Variants in QNG1 observed in about 807,000 individuals in gnomAD.
QNG1 encodes queuosine 5'-phosphate N-glycosylase/hydrolase.
At chr9:83,948,362 G>T in the QNG1 span, among the ~76,000 whole-genome samples, 1 of 150,660 alleles carries the variant, frequency 6.6e-6, no homozygotes, top group Non-Finnish European at 1.5e-5. Flanking sequence ...CCCGGCAGCC[G>T]CCCCGTCCAG....
the QNG1 span, chr9:83,956,527 A>G: frequency 2.4e-5 from 37 of 1,512,008 alleles, no homozygotes; most frequent in Non-Finnish European, 3.2e-5. Flanking sequence ...CGGCGGGCCA[A>G]ACTCTTCCCG....
At chr9:83,955,755 C>G in the QNG1 span, 4 of 969,664 alleles carry the variant, frequency 4.1e-6, no homozygotes, top group Admixed American at 2.3e-5. Flanking sequence ...AGGAATGCAC[C>G]AAAAGTGGAA....
the QNG1 span, chr9:83,945,087 A>C: frequency 1.0e-6 from 1 of 958,714 alleles, no homozygotes; most frequent in Non-Finnish European, 1.5e-6. Flanking sequence ...TAAAAGGCAG[A>C]ATAATCTTAC....
chr9:83,944,898 T>A, the QNG1 span: 7 of 1,613,382 alleles, frequency 4.3e-6, no homozygotes, highest in Non-Finnish European at 5.9e-6. Flanking sequence ...ACTGGAGATG[T>A]CCTTGAAGCA....
the QNG1 span, among the ~76,000 whole-genome samples, chr9:83,945,173 G>T: frequency 1.3e-5 from 2 of 151,932 alleles, no homozygotes; most frequent in Non-Finnish European, 2.9e-5. Context: ...GGAGGCTGAG[G>T]TGGGCAGATT....
chr9:83,945,746 C>T, the QNG1 span, among the ~76,000 whole-genome samples: 13 of 151,848 alleles, frequency 8.6e-5, no homozygotes, highest in South Asian at 2.3e-3. Context: ...GGACTACGGG[C>T]GCCGTCACCA....
chr9:83,952,959 CAAA>C, the QNG1 span, among the ~76,000 whole-genome samples: 4 of 80,668 alleles, frequency 5.0e-5, no homozygotes, highest in Admixed American at 1.4e-4. Context: ...GACTCTGTCT[CAAA>C]AAAAAAAAAA....
the QNG1 span, among the ~76,000 whole-genome samples, chr9:83,947,332 T>C: frequency 6.6e-6 from 1 of 152,182 alleles, no homozygotes; most frequent in Non-Finnish European, 1.5e-5. Flanking sequence ...AAAAATTCCT[T>C]AAGATGACAC....
At chr9:83,953,234 T>C in the QNG1 span, among the ~76,000 whole-genome samples, 12 of 152,168 alleles carry the variant, frequency 7.9e-5, no homozygotes, top group Non-Finnish European at 1.2e-4. Flanking sequence ...TGCCACTTTC[T>C]GGTACATTTT....
the QNG1 span, among the ~76,000 whole-genome samples, chr9:83,948,629 G>A: frequency 1.4e-3 from 205 of 146,908 alleles, no homozygotes; most frequent in African/African-American, 4.7e-3. Context: ...CCATGATGAC[G>A]ATGGCGGTTT....
At chr9:83,956,302 AGTTGACCGCGG>A in the QNG1 span, 1 of 1,614,130 alleles carries the variant, frequency 6.2e-7, no homozygotes, top group Non-Finnish European at 8.5e-7. Flanking sequence ...ACGAACACCC[AGTTGACCGCGG>A]CCTCGTCGGC....
the QNG1 span, chr9:83,953,660 T>G: frequency 1.5e-6 from 1 of 667,764 alleles, no homozygotes. Flanking sequence ...TCTTTTATTT[T>G]TTCTTTTATT....
the QNG1 span, chr9:83,944,913 T>C: frequency 9.9e-6 from 16 of 1,614,082 alleles, no homozygotes; most frequent in Non-Finnish European, 1.4e-5. Context: ...GAAGCAGCCA[T>C]CTCCTTTTCC....
the QNG1 span, chr9:83,945,093 C>G: frequency 2.1e-6 from 2 of 930,866 alleles, no homozygotes; most frequent in Non-Finnish European, 3.1e-6. Context: ...GCAGAATAAT[C>G]TTACTTTGTT....
At chr9:83,956,531 C>G in the QNG1 span, 1 of 1,507,416 alleles carries the variant, frequency 6.6e-7, no homozygotes, top group Admixed American at 2.3e-5. Flanking sequence ...GGGCCAAACT[C>G]TTCCCGCCCT....
the QNG1 span, among the ~76,000 whole-genome samples, chr9:83,948,349 C>G: frequency 8.0e-6 from 1 of 125,394 alleles, no homozygotes; most frequent in African/African-American, 2.6e-5. Flanking sequence ...AGGAGGGTCT[C>G]CGCCCGGCAG....
At chr9:83,950,426 C>T in the QNG1 span, among the ~76,000 whole-genome samples, 3 of 152,046 alleles carry the variant, frequency 2.0e-5, no homozygotes, top group African/African-American at 7.2e-5. Flanking sequence ...TTCTGGATCT[C>T]TAAAATATTA....
the QNG1 span, chr9:83,944,783 A>G: frequency 1.4e-5 from 22 of 1,599,770 alleles, no homozygotes; most frequent in Non-Finnish European, 1.8e-5. Context: ...GAATGACTTA[A>G]AGTTGCAAAC....
the QNG1 span, among the ~76,000 whole-genome samples, chr9:83,943,744 C>T: frequency 1.3e-5 from 2 of 151,936 alleles, no homozygotes; most frequent in South Asian, 2.1e-4. Flanking sequence ...TACATAAGGC[C>T]GGGGTGGTGG....
Sources: allele counts gnomAD v4.1 joint callset (sites outside exome capture counted in the v4.1 genomes callset), GRCh38; gene constraint gnomAD v4.1.1; transcripts MANE v1.5; gene names NCBI Gene and HGNC (gene_info 2026-07-23, HGNC 2026-07-21).